Variants in FAF1 observed in about 807,000 individuals in gnomAD.
FAF1 encodes the protein Fas associated factor 1.
A neutral mutation model predicts 92.5 loss-of-function variants in FAF1; 25 were observed. The ratio of observed to expected loss-of-function variants is 0.27; its 90% CI spans 0.20 to 0.38. The LOEUF is 0.38. Among genes scored for constraint, FAF1 ranks in the 10% least tolerant of loss-of-function variants. FAF1 has a pLI of 1.00. For synonymous variants in FAF1, 234 were observed against 273.2 expected (o/e 0.86, Z 1.42); for missense variants, 636 against 793.3 (o/e 0.80, Z 2.38).
chr1:50,603,247 C>T (rs1279675765), intron 8 of FAF1, among the ~76,000 whole-genome samples: 3 of 152,186 alleles, frequency 2.0e-5, no homozygotes, highest in Non-Finnish European at 4.4e-5. Context: ...AAGTGCTTAA[C>T]ATATGTCTAC....
chr1:50,470,853 C>G (rs905238579), intron 18 of FAF1: 1 of 152,230 alleles, frequency 6.6e-6, no homozygotes, highest in African/African-American at 2.4e-5. Context: ...TGCTATTCTG[C>G]TTCCACTCAC....
chr1:50,803,974 C>T (rs1467346806), intron 2 of FAF1, among the ~76,000 whole-genome samples: 3 of 152,078 alleles, frequency 2.0e-5, no homozygotes, highest in African/African-American at 7.2e-5. Flanking sequence ...GAAGAGGGAA[C>T]ATTTGATCTA....
Position 50,909,458 on chromosome 1 carries a change from C to T in FAF1, c.45+50309G>A, listed in dbSNP as rs182831423. Among the ~76,000 whole-genome samples, 331 of 152,266 alleles carry T rather than the reference C, an allele frequency of 2.2e-3. 3 individuals are homozygous for T. Among genetic ancestry groups the T allele is most frequent in the African/African-American group, 7.9e-3 (328 of 41,550 alleles). On this transcript the variant is annotated intron_variant, in intron 1 of 18. Transcript: ENST00000396153. Reference sequence around the variant, plus strand: ...TTGGGGAAGTTCTCCTGGGTAATATCCTTTAGAGTGTTTTCCAACTTGGTT... The same window carrying T: ...TTGGGGAAGTTCTCCTGGGTAATATTCTTTAGAGTGTTTTCCAACTTGGTT...
chr1:50,600,862 AT>A (rs1652085739), intron 8 of FAF1, among the ~76,000 whole-genome samples: 1 of 152,180 alleles, frequency 6.6e-6, no homozygotes, highest in African/African-American at 2.4e-5. Flanking sequence ...TAAAAATGCT[AT>A]TTATATTAAC....
intron 13 of FAF1, among the ~76,000 whole-genome samples, chr1:50,547,891 C>T (rs990844799): frequency 6.6e-6 from 1 of 152,122 alleles, no homozygotes; most frequent in African/African-American, 2.4e-5. Context: ...TTTCTTACCA[C>T]TAAGTAAGAA....
chr1:50,440,902 CA>C lies in FAF1; in HGVS notation c.*537del, dbSNP rs1432152928. The C allele has an allele frequency of 6.6e-6, 1 of 152,248 alleles. No homozygotes were observed. Among genetic ancestry groups the C allele is most frequent in the African/African-American group, 2.4e-5 (1 of 41,442 alleles). 9.4% of individuals were successfully genotyped at this position (152,248 alleles called of 1,614,324 possible). A position where few individuals can be genotyped will look rare whatever the true frequency, so the allele number is the denominator to read the frequency against. ...ACAAAACCTGACATCTTAGTAAAGC[CA>C]TCAGAAAGTTCTAACAAAAATGGTA... On this transcript the variant is annotated 3_prime_UTR_variant, in exon 19 of 19. Transcript: ENST00000396153.
chr1:50,525,593 A>T (rs1647748465), intron 15 of FAF1, among the ~76,000 whole-genome samples: 1 of 152,204 alleles, frequency 6.6e-6, no homozygotes. Flanking sequence ...CTATGTCAAA[A>T]GGCAGCAGGG....
At chr1:50,551,265 A>C (rs996989618) in intron 13 of FAF1, among the ~76,000 whole-genome samples, 3 of 152,224 alleles carry the variant, frequency 2.0e-5, no homozygotes, top group African/African-American at 7.2e-5. Flanking sequence ...GAGGAGCAAG[A>C]ATGTTTTCCC....
At chr1:50,502,211 G>C (rs1646999987) in intron 15 of FAF1, among the ~76,000 whole-genome samples, 1 of 152,184 alleles carries the variant, frequency 6.6e-6, no homozygotes, top group Non-Finnish European at 1.5e-5. Flanking sequence ...CTCTCAGTTA[G>C]AGACTCAAAG....
chr1:50,957,545 G>A (rs1645278931), intron 1 of FAF1, among the ~76,000 whole-genome samples: 1 of 151,624 alleles, frequency 6.6e-6, no homozygotes, highest in Non-Finnish European at 1.5e-5. Context: ...AGTAGAGACC[G>A]GGTTTCGCCA....
At chr1:50,608,609 T>C (rs763083340) in intron 8 of FAF1, among the ~76,000 whole-genome samples, 2 of 152,096 alleles carry the variant, frequency 1.3e-5, no homozygotes, top group African/African-American at 4.8e-5. Context: ...GGGGAAGAAG[T>C]AGTGTCTTAC....
At chr1:50,706,349 A>G (rs1423929509) in intron 6 of FAF1, among the ~76,000 whole-genome samples, 4 of 152,240 alleles carry the variant, frequency 2.6e-5, no homozygotes, top group Non-Finnish European at 4.4e-5. Flanking sequence ...TTCAGAAGAT[A>G]TTGAAATCTA....
At chr1:50,610,500 G>A (rs1393686198) in intron 8 of FAF1, among the ~76,000 whole-genome samples, 3 of 152,138 alleles carry the variant, frequency 2.0e-5, no homozygotes, top group African/African-American at 7.2e-5. Flanking sequence ...AATTGTTATT[G>A]TTGTTATTGT....
chr1:50,577,929 G>A (rs988294621), intron 12 of FAF1, among the ~76,000 whole-genome samples: 2 of 152,312 alleles, frequency 1.3e-5, no homozygotes, highest in South Asian at 2.1e-4. Flanking sequence ...CAAAAAGAAC[G>A]ATGAGTACTC....
At chr1:50,689,594 AAAAAC>A (rs888379270) in intron 7 of FAF1, among the ~76,000 whole-genome samples, 4 of 152,238 alleles carry the variant, frequency 2.6e-5, no homozygotes, top group African/African-American at 4.8e-5. Context: ...AAAAAAAACA[AAAAAC>A]AAAACAAAAC....
rs553947543 is a variant in FAF1, at chr1:50,786,311, T to C, written c.367+1689A>G. Among the ~76,000 whole-genome samples, 17 of 152,304 alleles carry C rather than the reference T, an allele frequency of 1.1e-4. No individual in the cohort carries two copies. The South Asian group carries it at 2.9e-3, about 26-fold the overall frequency. On this transcript the variant is annotated intron_variant, in intron 4 of 18. Coordinates refer to ENST00000396153, the MANE Select transcript of FAF1 (RefSeq NM_007051.3). ...GAAAATCCTGCTATATGCTACAACA[T>C]ATATAAGCATTGAGGACATTATGCT...
At chr1:50,635,819 A>T (rs1338684395) in intron 8 of FAF1, among the ~76,000 whole-genome samples, 1 of 152,196 alleles carries the variant, frequency 6.6e-6, no homozygotes, top group East Asian at 1.9e-4. Flanking sequence ...AGGTAAAGAT[A>T]ATTGCTCAAC....
intron 7 of FAF1, among the ~76,000 whole-genome samples, chr1:50,697,936 C>T (rs1657304474): frequency 1.3e-5 from 2 of 152,100 alleles, no homozygotes; most frequent in South Asian, 4.1e-4. Flanking sequence ...AACTGTATAA[C>T]ACTGAGTCAT....
intron 4 of FAF1, among the ~76,000 whole-genome samples, chr1:50,775,878 C>T (rs1437244580): frequency 6.6e-6 from 1 of 152,006 alleles, no homozygotes; most frequent in Non-Finnish European, 1.5e-5. Flanking sequence ...GTATGCCTTC[C>T]CTAGTTACAC....
Sources: allele counts gnomAD v4.1 joint callset (sites outside exome capture counted in the v4.1 genomes callset), GRCh38; gene constraint gnomAD v4.1.1; transcripts MANE v1.5; gene names NCBI Gene and HGNC (gene_info 2026-07-23, HGNC 2026-07-21).